Variants in LY86 observed in about 807,000 individuals in gnomAD.
LY86 encodes the protein MD-1, RP105-associated.
LY86 carries 20 observed loss-of-function variants against 17.3 expected under a neutral mutation model. The ratio of observed to expected loss-of-function variants is 1.15; its 90% confidence interval spans 0.81 to 1.68. The LOEUF is 1.68. Ranked by LOEUF, LY86 falls within the 40% of genes most tolerant of loss-of-function variation. The pLI is 0.00. For missense variants in LY86, 200 were observed against 191.9 expected, an observed-to-expected ratio of 1.04 and a Z score of -0.25; for synonymous variants, 74 against 70.6, an observed-to-expected ratio of 1.05 and a Z score of -0.24.
chr6:6,595,184 G>A (rs1581229088), intron 1 of LY86, among the ~76,000 whole-genome samples: 1 of 151,066 alleles, frequency 6.6e-6, no homozygotes, highest in Non-Finnish European at 1.5e-5. Flanking sequence ...GGAGGAAAAA[G>A]AGGAAAAGGA....
intron 3 of LY86, among the ~76,000 whole-genome samples, chr6:6,641,940 C>T (rs7750466): frequency 0.35 from 53,319 of 152,108 alleles, 10,198 homozygotes; most frequent in East Asian, 0.5. Context: ...CCTGGGGAAC[C>T]GCAGCGTGTG....
Position 6,654,876 on chromosome 6 carries a change from G to T in LY86, c.*249G>T. On this transcript the variant is annotated 3_prime_UTR_variant, in exon 5 of 5. Coordinates refer to ENST00000230568, the MANE Select transcript of LY86 (RefSeq NM_004271.4). Reference sequence around the variant, plus strand: ...TGGCAGTCCTTAAGCAGTCTTGAGGGTCCATCCTTTTTCTCTAATTGGTCG... The same window carrying T: ...TGGCAGTCCTTAAGCAGTCTTGAGGTTCCATCCTTTTTCTCTAATTGGTCG... The T allele has an allele frequency of 2.2e-6, 1 of 448,044 alleles. No homozygotes were observed. The highest frequency in any genetic ancestry group is 4.0e-5 in the Admixed American group (1 of 24,754). 27.8% of individuals were successfully genotyped at this position (448,044 alleles called of 1,614,324 possible). A position where few individuals can be genotyped will look rare whatever the true frequency, so the allele number is the denominator to read the frequency against.
intron 1 of LY86, among the ~76,000 whole-genome samples, chr6:6,608,672 A>G (rs1000874226): frequency 1.3e-5 from 2 of 152,260 alleles, no homozygotes; most frequent in Non-Finnish European, 2.9e-5. Context: ...CTGAAGACAC[A>G]TGAACAGATG....
intron 3 of LY86, among the ~76,000 whole-genome samples, chr6:6,634,479 T>C (rs1761935606): frequency 6.6e-6 from 1 of 152,254 alleles, no homozygotes; most frequent in South Asian, 2.1e-4. Flanking sequence ...AAGGCAGATA[T>C]TTTTGTGACA....
At chr6:6,647,308 G>A (rs1762120567) in intron 3 of LY86, among the ~76,000 whole-genome samples, 2 of 152,038 alleles carry the variant, frequency 1.3e-5, no homozygotes, top group Admixed American at 6.6e-5. Context: ...CTTTCTACAA[G>A]ATTATTCCCT....
chr6:6,644,400 C>T (rs902332056), intron 3 of LY86, among the ~76,000 whole-genome samples: 1 of 152,064 alleles, frequency 6.6e-6, no homozygotes, highest in Non-Finnish European at 1.5e-5. Context: ...CTTGTAGTCT[C>T]AGCTACTCAG....
intron 1 of LY86, among the ~76,000 whole-genome samples, chr6:6,619,426 A>G (rs994952930): frequency 2.6e-5 from 4 of 152,166 alleles, no homozygotes; most frequent in African/African-American, 9.7e-5. Flanking sequence ...CCATTATTAA[A>G]CAACCATCCA....
chr6:6,594,346 G>T (rs1052231734), intron 1 of LY86, among the ~76,000 whole-genome samples: 2 of 152,170 alleles, frequency 1.3e-5, no homozygotes, highest in African/African-American at 2.4e-5. Flanking sequence ...AAAAGAAGAA[G>T]AATATTCATG....
chr6:6,652,764 C>G (rs1424520540), intron 4 of LY86, among the ~76,000 whole-genome samples: 1 of 152,214 alleles, frequency 6.6e-6, no homozygotes, highest in East Asian at 1.9e-4. Flanking sequence ...CTGCCTCCAG[C>G]CTGGCACGCT....
chr6:6,632,612 A>G (rs544254774), intron 3 of LY86, among the ~76,000 whole-genome samples: 17 of 152,332 alleles, frequency 1.1e-4, no homozygotes, highest in Admixed American at 8.5e-4. Context: ...CAGCCAGTCC[A>G]TAACATCTCA....
intron 3 of LY86, among the ~76,000 whole-genome samples, chr6:6,641,445 G>C (rs548804086): frequency 6.6e-6 from 1 of 152,060 alleles, no homozygotes; most frequent in Non-Finnish European, 1.5e-5. Context: ...AGGCTTCCTC[G>C]CATACCCTCT....
chr6:6,647,283 G>A (rs1387067122), intron 3 of LY86, among the ~76,000 whole-genome samples: 4 of 152,052 alleles, frequency 2.6e-5, no homozygotes, highest in Non-Finnish European at 5.9e-5. Context: ...TCCCTCTTCT[G>A]CATCTTCAAT....
intron 3 of LY86, among the ~76,000 whole-genome samples, chr6:6,641,009 T>C (rs1447180681): frequency 4.6e-5 from 7 of 152,342 alleles, no homozygotes; most frequent in African/African-American, 1.7e-4. Flanking sequence ...AACTTATGTA[T>C]AGAAAAAGTC....
In LY86 at chr6:6,644,763, G is replaced by A. The variant is rs77725979; in HGVS notation, c.353-4862G>A. Among the ~76,000 whole-genome samples the A allele has an allele frequency of 4.1e-3, 624 of 152,202 alleles. 3 individuals carry two copies. The highest frequency in any genetic ancestry group is 0.014 in the African/African-American group (598 of 41,514). Reference sequence around the variant, plus strand: ...GATAAAGATTGCACATGAAAGGAACGGAAGAAATGGGTGCAAATATACTGG... The same window carrying A: ...GATAAAGATTGCACATGAAAGGAACAGAAGAAATGGGTGCAAATATACTGG... On this transcript the variant is annotated intron_variant, in intron 3 of 4. Coordinates refer to ENST00000230568, the MANE Select transcript of LY86 (RefSeq NM_004271.4).
chr6:6,604,393 G>A (rs1282106901), intron 1 of LY86, among the ~76,000 whole-genome samples: 2 of 151,702 alleles, frequency 1.3e-5, no homozygotes, highest in Non-Finnish European at 2.9e-5. Context: ...AATCAGGGAG[G>A]TTTGAAAATA....
chr6:6,595,603 G>A (rs530564913), intron 1 of LY86, among the ~76,000 whole-genome samples: 4 of 147,068 alleles, frequency 2.7e-5, no homozygotes, highest in East Asian at 2.1e-4. Flanking sequence ...AGGAACATAC[G>A]ACCACCTCAG....
At position 6,607,493 on chromosome 6, in the gene LY86, A is replaced by G. The variant is rs555586255; in HGVS notation, c.137-17433A>G. On this transcript the variant is annotated intron_variant, in intron 1 of 4. Coordinates refer to ENST00000230568, the MANE Select transcript of LY86 (RefSeq NM_004271.4). The stretch of plus-strand genomic sequence containing the variant: ...ATTTCCAAACTATAAACAAAACAAT[A>G]AAAACAAAAGAAAAAATTAAAATAT... Among the ~76,000 whole-genome samples, 200 of 151,658 alleles carry G rather than the reference A, an allele frequency of 1.3e-3. 1 individual carries two copies. The highest frequency in any genetic ancestry group is 1.4e-3 in the Non-Finnish European group (97 of 67,540).
At chr6:6,616,950 TC>T (rs1761570016) in intron 1 of LY86, among the ~76,000 whole-genome samples, 2 of 152,198 alleles carry the variant, frequency 1.3e-5, no homozygotes, top group African/African-American at 4.8e-5. Flanking sequence ...GTGTCATGGT[TC>T]CCGCTGTCCC....
intron 1 of LY86, chr6:6,591,610 T>G (rs1180031957): frequency 6.5e-6 from 1 of 153,454 alleles, no homozygotes; most frequent in Non-Finnish European, 1.5e-5. Flanking sequence ...GTTGCAGATG[T>G]GTAAACTGAG....
Sources: gnomAD v4.1 joint callset for allele counts (sites outside exome capture counted in the v4.1 genomes callset) on GRCh38, gnomAD v4.1.1 for gene constraint, MANE v1.5 for transcripts, NCBI Gene and HGNC (gene_info 2026-07-23, HGNC 2026-07-21) for gene names.